The following CCDC141 variants were observed in gnomAD, a reference collection of about 807,000 sequenced individuals.
The protein encoded by CCDC141 is coiled-coil domain containing 141.
CCDC141 carries 168 observed loss-of-function variants against 181.0 expected under a neutral mutation model. That is an observed-to-expected ratio of 0.93 (90% CI 0.82 to 1.05). The LOEUF (loss-of-function observed/expected upper bound fraction) is 1.05, where lower values mean the gene tolerates loss of function less well. Among genes scored for constraint, CCDC141 ranks in the 50% least tolerant of loss-of-function variants. CCDC141 has a pLI of 0.00. For missense variants in CCDC141, 1,902 were observed against 1,788.5 expected, an observed-to-expected ratio of 1.06 and a Z score of -1.14; for synonymous variants, 666 against 642.3, an observed-to-expected ratio of 1.04 and a Z score of -0.56.
At position 179,050,001 on chromosome 2, in the gene CCDC141, G is replaced by C; in HGVS notation, c.-60C>G. The C allele has an allele frequency of 6.5e-7, 1 of 1,547,546 alleles. No individual in the cohort carries two copies. The highest frequency in any genetic ancestry group is 1.2e-5 in the South Asian group (1 of 83,752). On this transcript the variant is annotated 5_prime_UTR_variant, in exon 1 of 24. Coordinates refer to ENST00000443758, the MANE Select transcript of CCDC141 (RefSeq NM_173648.4). ...CCTCTGGACAGTTGTGTGTCTGCTG[G>C]TCATTTCAGAAGGCCAGGGTTACTT... is the stretch of plus-strand genomic sequence containing the variant.
At chr2:178,966,175 C>G (rs956469950) in intron 4 of CCDC141, among the ~76,000 whole-genome samples, 4 of 152,212 alleles carry the variant, frequency 2.6e-5, no homozygotes, top group Admixed American at 2.6e-4. Flanking sequence ...GGGAAAGGGG[C>G]GCCTATGGGC....
chr2:178,842,557 T>C (rs543972118), intron 22 of CCDC141, among the ~76,000 whole-genome samples: 55 of 152,256 alleles, frequency 3.6e-4, no homozygotes, highest in Non-Finnish European at 2.1e-4. Flanking sequence ...GTGATATTCC[T>C]ACATCCATTC....
At chr2:178,956,883 CT>C (rs71393449) in intron 5 of CCDC141, among the ~76,000 whole-genome samples, 25,715 of 145,302 alleles carry the variant, frequency 0.18, 2,195 homozygotes, top group Middle Eastern at 0.22. Flanking sequence ...AATGAGAAAG[CT>C]TTTTTTTTTT....
chr2:178,955,485 A>G (rs1478969743), intron 5 of CCDC141, among the ~76,000 whole-genome samples: 3 of 152,140 alleles, frequency 2.0e-5, no homozygotes, highest in Non-Finnish European at 4.4e-5. Context: ...TACTGTTTAA[A>G]TTGTGTTATA....
chr2:179,041,818 G>A (rs2043315820), intron 2 of CCDC141, among the ~76,000 whole-genome samples: 1 of 152,068 alleles, frequency 6.6e-6, no homozygotes, highest in Non-Finnish European at 1.5e-5. Flanking sequence ...AGACAAAGAA[G>A]AGCATTGCAT....
chr2:178,945,420 C>G (rs1689687592), intron 5 of CCDC141, among the ~76,000 whole-genome samples: 1 of 152,132 alleles, frequency 6.6e-6, no homozygotes, highest in South Asian at 2.1e-4. Context: ...CTATTTCTCT[C>G]AACAACTTTA....
intron 6 of CCDC141, among the ~76,000 whole-genome samples, chr2:178,931,367 T>C (rs1433092416): frequency 2.6e-5 from 4 of 152,146 alleles, no homozygotes; most frequent in African/African-American, 9.7e-5. Context: ...AAAACCCATA[T>C]ACATGAATGT....
rs78264631 is a variant in CCDC141, at chr2:178,883,761, A to C, written c.1719+1140T>G. Reference sequence around the variant, plus strand: ...ATGGGGATTACTAGGATTGGGGTTAAATAAACTGGGAAAATAAAATAGGGC... The same window carrying C: ...ATGGGGATTACTAGGATTGGGGTTACATAAACTGGGAAAATAAAATAGGGC... On this transcript the variant is annotated intron_variant, in intron 11 of 23. Transcript: ENST00000443758. Among the ~76,000 whole-genome samples the C allele has an allele frequency of 4.3e-3, 662 of 152,272 alleles. 7 individuals carry two copies. The highest frequency in any genetic ancestry group is 0.015 in the African/African-American group (637 of 41,542).
At chr2:178,922,335 G>C (rs2130220) in intron 6 of CCDC141, among the ~76,000 whole-genome samples, 58,347 of 152,020 alleles carry the variant, frequency 0.38, 11,648 homozygotes, top group East Asian at 0.71. Context: ...GTCAACATTA[G>C]TAAGAGAAAG....
intron 6 of CCDC141, among the ~76,000 whole-genome samples, chr2:178,931,580 A>G (rs1172993780): frequency 6.6e-6 from 1 of 152,200 alleles, no homozygotes. Context: ...GCCATTAAAT[A>G]TTATTTTATT....
At chr2:178,854,859 C>A (rs940863046) in intron 19 of CCDC141, among the ~76,000 whole-genome samples, 1 of 152,168 alleles carries the variant, frequency 6.6e-6, no homozygotes, top group African/African-American at 2.4e-5. Flanking sequence ...TGCCAAATTT[C>A]ATATATTTTA....
chr2:179,029,265 T>C (rs1325912406), intron 2 of CCDC141, among the ~76,000 whole-genome samples: 1 of 152,206 alleles, frequency 6.6e-6, no homozygotes, highest in African/African-American at 2.4e-5. Context: ...CCATATATTA[T>C]CTTGCCATGA....
At position 178,905,461 on chromosome 2, in the gene CCDC141, A is replaced by G. The variant is rs951451612; in HGVS notation, c.1133T>C (p.Leu378Pro). The part of the protein sequence containing the change: ...VLGRVEAYLK[L>P]LKSEGLSLAV... ...CAGACTTAAACCCTCTGATTTAAGG[A>G]GCTTAAGGTAAGCTTCAACTCTTCC... Residue 378 changes from leucine to proline, a missense_variant, in exon 8 of 24, where the codon CTC becomes CCC. Transcript: ENST00000443758. 1 of 1,550,634 alleles carries G rather than the reference A, an allele frequency of 6.4e-7. No individual in the cohort carries two copies. Among genetic ancestry groups the G allele is most frequent in the African/African-American group, 1.4e-5 (1 of 73,020 alleles).
chr2:179,004,194 G>A (rs2042060693), intron 2 of CCDC141, among the ~76,000 whole-genome samples: 1 of 152,048 alleles, frequency 6.6e-6, no homozygotes, highest in South Asian at 2.1e-4. Flanking sequence ...TAGTTCCTTT[G>A]GGCTGAAGAC....
intron 2 of CCDC141, among the ~76,000 whole-genome samples, chr2:178,993,458 A>T (rs2154382619): frequency 6.6e-6 from 1 of 152,260 alleles, no homozygotes; most frequent in Middle Eastern, 3.4e-3. Flanking sequence ...CATGAGACTT[A>T]TTCACCATCA....
At chr2:178,965,358 G>A (rs998484556) in intron 4 of CCDC141, among the ~76,000 whole-genome samples, 1 of 152,162 alleles carries the variant, frequency 6.6e-6, no homozygotes, top group Admixed American at 6.5e-5. Context: ...GGAACAGCTC[G>A]GGTCTGCAGC....
intron 5 of CCDC141, among the ~76,000 whole-genome samples, chr2:178,947,317 G>A: frequency 6.6e-6 from 1 of 152,166 alleles, no homozygotes; most frequent in East Asian, 1.9e-4. Context: ...GGACATTTAT[G>A]TAGAACATGG....
intron 20 of CCDC141, among the ~76,000 whole-genome samples, chr2:178,851,284 T>C (rs1025463363): frequency 3.3e-5 from 5 of 151,526 alleles, no homozygotes; most frequent in Admixed American, 1.3e-4. Flanking sequence ...CCCAGAACTA[T>C]CTGACTCTAC....
chr2:178,891,848 C>T (rs1687167451), intron 8 of CCDC141, among the ~76,000 whole-genome samples: 1 of 151,574 alleles, frequency 6.6e-6, no homozygotes, highest in South Asian at 2.1e-4. Context: ...TGATTTATGC[C>T]TTATTATGTG....
Sources: gnomAD v4.1 joint callset for allele counts (sites outside exome capture counted in the v4.1 genomes callset) on GRCh38, gnomAD v4.1.1 for gene constraint, MANE v1.5 for transcripts, NCBI Gene and HGNC (gene_info 2026-07-23, HGNC 2026-07-21) for gene names.